Variants in IRGC observed in about 807,000 individuals in gnomAD.
The protein encoded by IRGC is interferon-inducible GTPase 5.
IRGC carries 4 observed loss-of-function variants against 16.1 expected under a neutral mutation model. The ratio of observed to expected loss-of-function variants is 0.25; its 90% CI spans 0.12 to 0.57. The LOEUF is 0.57. Ranked by LOEUF, IRGC falls within the 20% of genes least tolerant of loss-of-function variation. The probability of loss-of-function intolerance (pLI) is 0.92; values close to 1 mark genes in which losing one functional copy is unlikely to be tolerated. For synonymous variants in IRGC, 307 were observed against 299.5 expected (o/e 1.03, Z -0.26); for missense variants, 570 against 643.9 (o/e 0.89, Z 1.24).
rs1416670299 is a variant in IRGC at position 43,719,146 on chromosome 19, C to A, written c.588C>A (p.Asp196Glu). The change falls in exon 2 of 2, where the codon GAC (aspartate) becomes GAA (glutamate). Residue 196 changes from aspartate (D) to glutamate (E), a missense_variant. Asp to Glu is a conservative substitution (Grantham distance 45). Transcript: ENST00000244314. ...REAAVLQEIR[D>E]HCAERLREAG... Reference sequence around the variant, plus strand: ...CCGCTGTCCTGCAGGAGATCCGAGACCACTGTGCCGAGCGGCTGCGGGAGG... The same window carrying A: ...CCGCTGTCCTGCAGGAGATCCGAGAACACTGTGCCGAGCGGCTGCGGGAGG... The A allele has an allele frequency of 6.2e-7, 1 of 1,610,570 alleles. No individual in the cohort carries two copies. Among genetic ancestry groups the A allele is most frequent in the African/African-American group, 1.3e-5 (1 of 74,938 alleles).
rs1968219248 is a variant in IRGC, at chr19:43,718,931, T to C, written c.373T>C (p.Tyr125His). The C allele has an allele frequency of 6.2e-7, 1 of 1,612,584 alleles. No individual in the cohort carries two copies. Among genetic ancestry groups the C allele is most frequent in the African/African-American group, 1.3e-5 (1 of 74,998 alleles). ...CTCTCCAGGCTGCCCGGCTGACAAGTACCTAAAGCAGGTAGACTTCAGCCG... is the reference window on the plus strand; with the variant it reads ...CTCTCCAGGCTGCCCGGCTGACAAGCACCTAAAGCAGGTAGACTTCAGCCG... The part of the protein sequence containing the change: ...AGSPGCPADK[Y>H]LKQVDFSRYD... The change falls in exon 2 of 2, where the codon TAC becomes CAC. Residue 125 changes from tyrosine (Y) to histidine (H), a missense_variant. Physicochemically the swap from Tyr to His is moderately conservative, Grantham distance 83 (BLOSUM62 2). Transcript: ENST00000244314.
chr19:43,717,545 C>A (rs1470192399), intron 1 of IRGC, among the ~76,000 whole-genome samples: 1 of 152,250 alleles, frequency 6.6e-6, no homozygotes, highest in East Asian at 1.9e-4. Flanking sequence ...CCTCACATCA[C>A]TCAGTAAGTA....
chr19:43,719,367 C>T lies in IRGC; in HGVS notation c.809C>T (p.Thr270Ile), dbSNP rs1968231781. ...KAMLQEQVLKTALVLGVIQAL... is the reference protein window; with the variant it reads ...KAMLQEQVLKIALVLGVIQAL... ...ATGCTTCAAGAGCAAGTCCTCAAGA[C>T]CGCCCTGGTGTTGGGCGTCATCCAG... is the stretch of plus-strand genomic sequence containing the variant. The change falls in exon 2 of 2, where the codon ACC (threonine) becomes ATC (isoleucine). Residue 270 changes from threonine (T) to isoleucine (I), a missense_variant. Physicochemically the swap from Thr to Ile is moderately conservative, Grantham distance 89. Coordinates refer to ENST00000244314, the MANE Select transcript of IRGC (RefSeq NM_019612.4). 1 of 1,612,134 alleles carries T rather than the reference C, an allele frequency of 6.2e-7. No homozygotes were observed. The highest frequency in any genetic ancestry group is 1.7e-5 in the Admixed American group (1 of 59,972).
chr19:43,717,341 A>G (rs1326812720), intron 1 of IRGC, among the ~76,000 whole-genome samples: 1 of 152,136 alleles, frequency 6.6e-6, no homozygotes, highest in Admixed American at 6.5e-5. Context: ...GAATATTACT[A>G]ATGATAAGAA....
At chr19:43,716,892 A>C (rs1418517557) in intron 1 of IRGC, among the ~76,000 whole-genome samples, 3 of 152,112 alleles carry the variant, frequency 2.0e-5, no homozygotes, top group Admixed American at 6.6e-5. Context: ...CTCCCTGTCA[A>C]ATGGGGACAG....
At position 43,718,895 on chromosome 19, in the gene IRGC, C is replaced by A; in HGVS notation, c.337C>A (p.Pro113Thr). 6.2e-7 allele frequency: 1 copy of A among 1,613,310 alleles called. No individual in the cohort carries two copies. The highest frequency in any genetic ancestry group is 8.5e-7 in the Non-Finnish European group (1 of 1,179,944). Reference protein sequence around the residue: ...QFPDVTLWDLPGAGSPGCPAD... With the variant: ...QFPDVTLWDLTGAGSPGCPAD... ...CCCTGACGTGACCCTCTGGGACCTG[C>A]CAGGAGCCGGCTCTCCAGGCTGCCC... The change falls in exon 2 of 2, where the codon CCA becomes ACA. Residue 113 changes from proline (P) to threonine (T), a missense_variant. Coordinates refer to ENST00000244314, the MANE Select transcript of IRGC (RefSeq NM_019612.4).
At chr19:43,717,031 G>A (rs1023210894) in intron 1 of IRGC, among the ~76,000 whole-genome samples, 2 of 152,180 alleles carry the variant, frequency 1.3e-5, no homozygotes, top group African/African-American at 4.8e-5. Context: ...CTGGTGAGGA[G>A]GAGGGATCTG....
chr19:43,716,905 A>G (rs755075056), intron 1 of IRGC, among the ~76,000 whole-genome samples: 7 of 152,116 alleles, frequency 4.6e-5, no homozygotes, highest in Admixed American at 6.6e-5. Context: ...GGGGACAGTG[A>G]TCCCAGACAT....
chr19:43,717,337 T>G (rs1968186259), intron 1 of IRGC, among the ~76,000 whole-genome samples: 1 of 152,090 alleles, frequency 6.6e-6, no homozygotes, highest in African/African-American at 2.4e-5. Context: ...CTAAGAATAT[T>G]ACTAATGATA....
Position 43,718,914 on chromosome 19 carries a change from G to C in IRGC, c.356G>C (p.Gly119Ala). ...LWDLPGAGSP[G>A]CPADKYLKQV... ...GACCTGCCAGGAGCCGGCTCTCCAG[G>C]CTGCCCGGCTGACAAGTACCTAAAG... The change falls in exon 2 of 2, where the codon GGC becomes GCC. Residue 119 changes from glycine (G) to alanine (A), a missense_variant. Physicochemically the swap from Gly to Ala is moderately conservative, Grantham distance 60. Transcript: ENST00000244314. 1.9e-6 allele frequency: 3 copies of C among 1,612,994 alleles called. No individual in the cohort carries two copies. The highest frequency in any genetic ancestry group is 1.7e-6 in the Non-Finnish European group (2 of 1,179,848).
intron 1 of IRGC, among the ~76,000 whole-genome samples, chr19:43,717,765 T>C (rs1195120420): frequency 1.3e-5 from 2 of 152,162 alleles, no homozygotes; most frequent in Non-Finnish European, 2.9e-5. Flanking sequence ...GGGCCCCTGG[T>C]TCAAATATTA....
rs1242025861 is a variant in IRGC at position 43,718,619 on chromosome 19, A to G, written c.61A>G (p.Lys21Glu). The change falls in exon 2 of 2, where the codon AAG becomes GAG. Residue 21 changes from lysine to glutamate, a missense_variant. Transcript: ENST00000244314. ...GGAGGAAAACACCATCCTTATGGCC[A>G]AGGAAAGGCTGGAGGCCCTGCGCAC... Reference protein sequence around the residue: ...GEEENTILMAKERLEALRTAF... With the variant: ...GEEENTILMAEERLEALRTAF... The G allele has an allele frequency of 6.2e-7, 1 of 1,611,636 alleles. No individual in the cohort carries two copies. The highest frequency in any genetic ancestry group is 8.5e-7 in the Non-Finnish European group (1 of 1,178,852).
chr19:43,717,817 C>A (rs2146333745), intron 1 of IRGC, among the ~76,000 whole-genome samples: 1 of 152,298 alleles, frequency 6.6e-6, no homozygotes, highest in East Asian at 1.9e-4. Context: ...TGCCCTTAAT[C>A]CCAGCGCTCT....
chr19:43,717,941 C>T (rs571364019), intron 1 of IRGC, among the ~76,000 whole-genome samples: 21 of 152,204 alleles, frequency 1.4e-4, no homozygotes, highest in Middle Eastern at 3.4e-3. Context: ...TGGTGGCATG[C>T]GCCTGTGGTC....
chr19:43,719,837 G>A lies in IRGC; in HGVS notation c.1279G>A (p.Gly427Ser). ...CAGTGACAATGGCGTGGAAAAGGGG[G>A]GCTCCGGGGAGGGAGGTGGGGAGGA... is the stretch of plus-strand genomic sequence containing the variant. ...VASDNGVEKG[G>S]SGEGGGEEAP... is the part of the protein sequence containing the mutation. The change falls in exon 2 of 2, where the codon GGC becomes AGC. Residue 427 changes from glycine (G) to serine (S), a missense_variant. Coordinates refer to ENST00000244314, the MANE Select transcript of IRGC (RefSeq NM_019612.4). 6 of 1,614,094 alleles carry A rather than the reference G, an allele frequency of 3.7e-6. No individual in the cohort carries two copies. The highest frequency in any genetic ancestry group is 4.2e-6 in the Non-Finnish European group (5 of 1,180,006).
chr19:43,718,359 A>G (rs1968200958), intron 1 of IRGC, 134 bp from the exon 2 acceptor site: 3 of 1,125,310 alleles, frequency 2.7e-6, no homozygotes, highest in Non-Finnish European at 3.5e-6. Context: ...TGTGCCAAAA[A>G]TGTGTCCCCA....
chr19:43,719,082 C>T lies in IRGC; in HGVS notation c.524C>T (p.Ala175Val). 6.8e-6 allele frequency: 11 copies of T among 1,610,382 alleles called. No homozygotes were observed. The highest frequency in any genetic ancestry group is 9.3e-6 in the Non-Finnish European group (11 of 1,178,360). ...CGCACCAAGGTGGACGAGGACCTGG[C>T]GGCCACGCGCACCCAGCGGCCGTCG... Reference protein sequence around the residue: ...FVRTKVDEDLAATRTQRPSGF... With the variant: ...FVRTKVDEDLVATRTQRPSGF... The change falls in exon 2 of 2, where the codon GCG becomes GTG. Residue 175 changes from alanine to valine, a missense_variant. Physicochemically the swap from Ala to Val is moderately conservative, Grantham distance 64. Transcript: ENST00000244314.
rs772657761 is a variant in IRGC at position 43,719,299 on chromosome 19, G to C, written c.741G>C (p.Ser247=). The part of the protein sequence containing the change: ...PSHRRHAGLL[S]LPDISLEALQ... Reference sequence around the variant, plus strand: ...ACCGGCGCCACGCTGGCCTGCTGTCGCTCCCCGACATCTCGCTGGAGGCCT... The same window carrying C: ...ACCGGCGCCACGCTGGCCTGCTGTCCCTCCCCGACATCTCGCTGGAGGCCT... The change falls in exon 2 of 2, where the codon TCG becomes TCC. Residue 247 remains serine (S), a synonymous_variant. Transcript: ENST00000244314. 8 of 1,609,042 alleles carry C rather than the reference G, an allele frequency of 5.0e-6. No homozygotes were observed. The African/African-American group carries it at 1.1e-4, about 21-fold the overall frequency.
intron 1 of IRGC, among the ~76,000 whole-genome samples, chr19:43,717,798 AGTGG>A (rs1444151240): frequency 3.9e-4 from 60 of 152,352 alleles, no homozygotes; most frequent in African/African-American, 1.3e-3. Context: ...GGCCAGGCAT[AGTGG>A]CTCATGCCCT....
Sources: allele counts gnomAD v4.1 joint callset (sites outside exome capture counted in the v4.1 genomes callset), GRCh38; gene constraint gnomAD v4.1.1; transcripts MANE v1.5; gene names NCBI Gene and HGNC (gene_info 2026-07-23, HGNC 2026-07-21).